Variants in QNG1 observed in about 807,000 individuals in gnomAD.
QNG1 encodes the protein Q-nucleotide N-glycosylase 1.
At chr9:83,952,530 T>A in the QNG1 span, among the ~76,000 whole-genome samples, 1 of 151,968 alleles carries the variant, frequency 6.6e-6, no homozygotes, top group African/African-American at 2.4e-5. Context: ...GTGCGGTGGC[T>A]CACGCCTGTA....
At chr9:83,953,038 G>A in the QNG1 span, among the ~76,000 whole-genome samples, 1 of 151,838 alleles carries the variant, frequency 6.6e-6, no homozygotes, top group Non-Finnish European at 1.5e-5. Context: ...GGAAGCTGAG[G>A]TAGGCAGATC....
At chr9:83,955,907 T>A in the QNG1 span, among the ~76,000 whole-genome samples, 1 of 152,238 alleles carries the variant, frequency 6.6e-6, no homozygotes, top group Non-Finnish European at 1.5e-5. Flanking sequence ...TCAGGTGTCA[T>A]TCAAATGGCA....
the QNG1 span, among the ~76,000 whole-genome samples, chr9:83,943,277 T>A: frequency 2.1e-5 from 3 of 140,586 alleles, no homozygotes; most frequent in African/African-American, 8.2e-5. Context: ...GAGGCGGAGG[T>A]TCTGGTGAGC....
At chr9:83,956,132 C>T in the QNG1 span, 1 of 1,600,570 alleles carries the variant, frequency 6.2e-7, no homozygotes, top group South Asian at 1.1e-5. Context: ...ACCTCAAAGG[C>T]CGTTAGGTCC....
chr9:83,943,914 G>A, the QNG1 span, among the ~76,000 whole-genome samples: 2 of 152,076 alleles, frequency 1.3e-5, no homozygotes, highest in African/African-American at 4.8e-5. Flanking sequence ...CCAGCTACTC[G>A]GGAGGCTGAG....
the QNG1 span, among the ~76,000 whole-genome samples, chr9:83,955,124 G>A: frequency 1.3e-5 from 2 of 151,896 alleles, no homozygotes; most frequent in African/African-American, 4.8e-5. Flanking sequence ...GCTTGAACCC[G>A]GGAGGCAGAG....
At chr9:83,941,891 A>G in the QNG1 span, among the ~76,000 whole-genome samples, 4 of 151,898 alleles carry the variant, frequency 2.6e-5, no homozygotes, top group Non-Finnish European at 4.4e-5. Context: ...GGGCGACAAG[A>G]ACAAAACTCC....
the QNG1 span, chr9:83,944,699 C>CT: frequency 5.4e-4 from 502 of 937,888 alleles, no homozygotes; most frequent in Middle Eastern, 9.5e-4. Context: ...ATAAATAGTA[C>CT]TTTTTTTTTA....
At chr9:83,954,553 G>A in the QNG1 span, among the ~76,000 whole-genome samples, 1 of 151,562 alleles carries the variant, frequency 6.6e-6, no homozygotes, top group African/African-American at 2.4e-5. Context: ...CTGCACTCCA[G>A]CCTGGGAGTC....
At chr9:83,945,330 G>A in the QNG1 span, among the ~76,000 whole-genome samples, 1 of 151,098 alleles carries the variant, frequency 6.6e-6, no homozygotes, top group Admixed American at 6.6e-5. Flanking sequence ...GAGCCTGGGA[G>A]GTCAAGCCTG....
chr9:83,942,787 G>A, the QNG1 span, among the ~76,000 whole-genome samples: 5 of 152,190 alleles, frequency 3.3e-5, no homozygotes, highest in African/African-American at 1.2e-4. Flanking sequence ...GGATAGGAGA[G>A]TACCCTTTTA....
chr9:83,938,668 A>G, the QNG1 span: 1 of 136,438 alleles, frequency 7.3e-6, no homozygotes, highest in Non-Finnish European at 1.6e-5. Context: ...ACATGTCCAC[A>G]GGGGGGAAAA....
the QNG1 span, chr9:83,956,135 T>C: frequency 1.9e-6 from 3 of 1,602,328 alleles, no homozygotes; most frequent in African/African-American, 1.3e-5. Flanking sequence ...TCAAAGGCCG[T>C]TAGGTCCGAT....
the QNG1 span, among the ~76,000 whole-genome samples, chr9:83,952,293 G>C: frequency 6.6e-5 from 10 of 152,342 alleles, no homozygotes; most frequent in African/African-American, 2.4e-4. Context: ...CCATTTTGGG[G>C]ATTTTTCTGT....
chr9:83,951,555 T>A, the QNG1 span, among the ~76,000 whole-genome samples: 5 of 152,258 alleles, frequency 3.3e-5, no homozygotes, highest in South Asian at 8.3e-4. Context: ...CGAGACTCTG[T>A]CTCAAAAAAC....
At chr9:83,955,689 G>A in the QNG1 span, 9 of 1,542,028 alleles carry the variant, frequency 5.8e-6, no homozygotes, top group Non-Finnish European at 8.0e-6. Context: ...ACTTCCATAT[G>A]CATTAAACCC....
chr9:83,939,531 T>G, the QNG1 span: 1 of 1,613,072 alleles, frequency 6.2e-7, no homozygotes, highest in East Asian at 2.2e-5. Flanking sequence ...ATGCAACGTA[T>G]GCGATGAAAC....
At chr9:83,953,913 G>T in the QNG1 span, 1 of 1,044,038 alleles carries the variant, frequency 9.6e-7, no homozygotes, top group Non-Finnish European at 1.4e-6. Flanking sequence ...ACTTTTTTGA[G>T]ATAGAGTCTA....
the QNG1 span, among the ~76,000 whole-genome samples, chr9:83,943,459 G>GAAAAATA: frequency 6.6e-6 from 1 of 151,042 alleles, no homozygotes; most frequent in East Asian, 2.0e-4. Context: ...ATGGCCATAT[G>GAAAAATA]AAAAATAAGC....
Sources: gnomAD v4.1 joint callset for allele counts (sites outside exome capture counted in the v4.1 genomes callset) on GRCh38, gnomAD v4.1.1 for gene constraint, MANE v1.5 for transcripts, NCBI Gene and HGNC (gene_info 2026-07-23, HGNC 2026-07-21) for gene names.